The following XIRP2 variants were observed in gnomAD, a reference collection of about 807,000 sequenced individuals.
XIRP2 encodes the protein xin actin binding repeat containing 2, also known as xin actin-binding repeat-containing protein 2.
Under a neutral mutation model 277.0 loss-of-function variants are expected in XIRP2, and 236 were observed. The observed-to-expected ratio is 0.85, with a 90% CI of 0.77 to 0.95. The LOEUF is 0.95. Ranked by LOEUF, XIRP2 falls within the 40% of genes least tolerant of loss-of-function variation. The pLI, the probability that XIRP2 is intolerant of heterozygous loss-of-function variation, is 0.00. For missense variants in XIRP2, 4,640 were observed against 4,157.5 expected, an observed-to-expected ratio of 1.12 and a Z score of -3.19; for synonymous variants, 1,490 against 1,416.5, an observed-to-expected ratio of 1.05 and a Z score of -1.17.
rs1232446353 is a variant in XIRP2, at chr2:167,248,342, T to C, written c.6950T>C (p.Met2317Thr). The C allele has an allele frequency of 6.2e-7, 1 of 1,613,594 alleles. No individual in the cohort carries two copies. The highest frequency in any genetic ancestry group is 1.3e-5 in the African/African-American group (1 of 74,822). Residue 2317 changes from methionine (M) to threonine (T), a missense_variant, in exon 9 of 11, where the codon ATG becomes ACG. Met to Thr is a moderately conservative substitution (Grantham distance 81). Transcript: ENST00000409195. ...CCTCTTCCTCCTCCACCTCCTTTGA[T>C]GATGTTTCCTGAAAAAAATGGGTTT... ...EFPLPPPPPLMMFPEKNGFLP... is the reference protein window; with the variant it reads ...EFPLPPPPPLTMFPEKNGFLP...
At position 167,172,052 on chromosome 2, in the gene XIRP2, G is replaced by A. The variant is rs1369108416; in HGVS notation, c.562+35990G>A. 3.3e-5 allele frequency among the ~76,000 whole-genome samples: 5 copies of A among 152,274 alleles called. No individual in the cohort carries two copies. In the East Asian group the frequency reaches 5.8e-4, roughly 18 times the overall value. ...TGTATGATCAGGGGAACCCGCCCCC[G>A]ATAATTCAATGTGAGTCCTTTTCTA... On this transcript the variant is annotated intron_variant, in intron 3 of 10. Transcript: ENST00000409195.
chr2:167,213,457 C>T (rs1266008096), intron 4 of XIRP2, among the ~76,000 whole-genome samples: 3 of 152,126 alleles, frequency 2.0e-5, no homozygotes, highest in African/African-American at 7.2e-5. Context: ...GTAAAAAGAA[C>T]TTGAGGACTG....
intron 3 of XIRP2, among the ~76,000 whole-genome samples, chr2:167,190,010 C>G (rs1273516527): frequency 6.6e-6 from 1 of 152,126 alleles, no homozygotes; most frequent in African/African-American, 2.4e-5. Context: ...GAAAAGTGTT[C>G]TATTTGTTAT....
intron 2 of XIRP2, among the ~76,000 whole-genome samples, chr2:166,908,535 A>G (rs925582353): frequency 1.2e-4 from 19 of 152,078 alleles, no homozygotes; most frequent in African/African-American, 4.3e-4. Flanking sequence ...AGATGAGTAG[A>G]TTGCAAAAAT....
chr2:166,896,341 G>A (rs1249527031), intron 1 of XIRP2, among the ~76,000 whole-genome samples: 3 of 152,186 alleles, frequency 2.0e-5, no homozygotes, highest in Non-Finnish European at 4.4e-5. Context: ...GGAGATGACC[G>A]CTCCGTTTCA....
chr2:167,237,478 T>C (rs1694934900), intron 5 of XIRP2, among the ~76,000 whole-genome samples: 1 of 152,080 alleles, frequency 6.6e-6, no homozygotes, highest in Non-Finnish European at 1.5e-5. Context: ...TAGCAAGTGA[T>C]AGTGATGGTG....
chr2:167,240,467 C>T (rs1695030158), intron 6 of XIRP2, among the ~76,000 whole-genome samples, 197 bp from the exon 7 acceptor site: 1 of 152,080 alleles, frequency 6.6e-6, no homozygotes, highest in African/African-American at 2.4e-5. Context: ...TATGATTCCT[C>T]TTCGGATGTC....
intron 2 of XIRP2, among the ~76,000 whole-genome samples, chr2:167,099,641 C>A (rs772390453): frequency 6.6e-5 from 10 of 152,208 alleles, no homozygotes; most frequent in Middle Eastern, 3.4e-3. Context: ...GTGGTGTAGG[C>A]ACCCGAGGGA....
At position 167,251,209 on chromosome 2, in the gene XIRP2, C is replaced by G; in HGVS notation, c.9817C>G (p.His3273Asp). The G allele has an allele frequency of 1.8e-5, 29 of 1,613,506 alleles. No homozygotes were observed. The highest frequency in any genetic ancestry group is 2.5e-5 in the Non-Finnish European group (29 of 1,179,700). ...AGTGGAGAAGAGAGCTACTTATGTT[C>G]ATAAAGATGGACTAAATTCCACTGA... ...RKVEKRATYV[H>D]KDGLNSTDHM... The change falls in exon 9 of 11, where the codon CAT becomes GAT. Residue 3273 changes from histidine (H) to aspartate (D), a missense_variant. Physicochemically the swap from His to Asp is moderately conservative, Grantham distance 81 (BLOSUM62 -1). Transcript: ENST00000409195.
intron 3 of XIRP2, among the ~76,000 whole-genome samples, chr2:167,152,340 CG>C (rs1244573618): frequency 6.6e-6 from 1 of 151,828 alleles, no homozygotes; most frequent in Non-Finnish European, 1.5e-5. Context: ...TGCTGCCCCC[CG>C]CCCCCAGTTT....
intron 5 of XIRP2, among the ~76,000 whole-genome samples, chr2:167,237,670 A>G (rs1232212439): frequency 6.6e-6 from 1 of 152,218 alleles, no homozygotes; most frequent in Non-Finnish European, 1.5e-5. Context: ...CCCAGGCCTC[A>G]GCGGGCATGT....
At chr2:166,923,546 A>C (rs1685108525) in intron 2 of XIRP2, among the ~76,000 whole-genome samples, 1 of 152,116 alleles carries the variant, frequency 6.6e-6, no homozygotes, top group Non-Finnish European at 1.5e-5. Flanking sequence ...TTCCATAAAG[A>C]TATGACCATT....
intron 5 of XIRP2, among the ~76,000 whole-genome samples, chr2:167,235,627 GT>G (rs1694880721): frequency 1.3e-5 from 2 of 151,960 alleles, no homozygotes; most frequent in Non-Finnish European, 2.9e-5. Flanking sequence ...ATACAGATGT[GT>G]GCTAATATCA....
intron 1 of XIRP2, among the ~76,000 whole-genome samples, chr2:166,893,324 A>C (rs965702894): frequency 3.3e-5 from 5 of 152,154 alleles, no homozygotes; most frequent in Admixed American, 3.3e-4. Context: ...AAAAATGTAG[A>C]AAAGCCAACT....
intron 2 of XIRP2, among the ~76,000 whole-genome samples, chr2:167,035,006 C>G (rs2105510825): frequency 6.6e-6 from 1 of 152,280 alleles, no homozygotes; most frequent in African/African-American, 2.4e-5. Context: ...TCCGCTTTTG[C>G]TTCTTCCTCA....
At chr2:167,162,646 A>G (rs879686918) in intron 3 of XIRP2, among the ~76,000 whole-genome samples, 7 of 152,176 alleles carry the variant, frequency 4.6e-5, no homozygotes, top group African/African-American at 9.7e-5. Context: ...CAGCCAAACC[A>G]TATCAACCAG....
chr2:166,930,373 C>A (rs750468123), intron 2 of XIRP2, among the ~76,000 whole-genome samples: 7 of 152,088 alleles, frequency 4.6e-5, no homozygotes, highest in Non-Finnish European at 1.0e-4. Flanking sequence ...GTGTTAATGA[C>A]AAAGGAACAT....
chr2:167,040,893 A>G (rs533587495), intron 2 of XIRP2, among the ~76,000 whole-genome samples: 52 of 152,332 alleles, frequency 3.4e-4, no homozygotes, highest in African/African-American at 1.3e-3. Context: ...CCCCCTGCCA[A>G]ATTGTGAGGG....
chr2:166,923,183 T>C (rs1685100428), intron 2 of XIRP2, among the ~76,000 whole-genome samples: 1 of 152,110 alleles, frequency 6.6e-6, no homozygotes, highest in Admixed American at 6.6e-5. Context: ...AAAATAAATC[T>C]GTACTAAATA....
Sources: gnomAD v4.1 joint callset for allele counts (sites outside exome capture counted in the v4.1 genomes callset) on GRCh38, gnomAD v4.1.1 for gene constraint, MANE v1.5 for transcripts, NCBI Gene and HGNC (gene_info 2026-07-23, HGNC 2026-07-21) for gene names.